Variants in MGAT4C observed in about 807,000 individuals in gnomAD.
The protein encoded by MGAT4C is MGAT4 family member C, also known as alpha-1,3-mannosyl-glycoprotein 4-beta-N-acetylglucosaminyltransferase C.
MGAT4C carries 19 observed loss-of-function variants against 40.1 expected under a neutral mutation model. The ratio of observed to expected loss-of-function variants is 0.47; its 90% CI spans 0.33 to 0.70. The LOEUF is 0.70. MGAT4C is among the 30% of genes least tolerant of loss of function. MGAT4C has a pLI of 0.02. For missense variants in MGAT4C, 491 were observed against 563.2 expected, an observed-to-expected ratio of 0.87 and a Z score of 1.30; for synonymous variants, 181 against 187.1, an observed-to-expected ratio of 0.97 and a Z score of 0.27.
At chr12:86,733,454 C>A (rs533715195) in intron 1 of MGAT4C, among the ~76,000 whole-genome samples, 2 of 151,680 alleles carry the variant, frequency 1.3e-5, no homozygotes, top group East Asian at 3.9e-4. Context: ...CAAACAAACA[C>A]AAAGTTTGGC....
Position 86,055,013 on chromosome 12 carries a change from T to C in MGAT4C, c.-56-5290A>G, listed in dbSNP as rs150565416. Reference sequence around the variant, plus strand: ...TATTAAGGACTGTGATTATTTAACATCTTTCTGATCTTTTAGAACATAAGA... The same window carrying C: ...TATTAAGGACTGTGATTATTTAACACCTTTCTGATCTTTTAGAACATAAGA... On this transcript the variant is annotated intron_variant, in intron 1 of 4. Coordinates refer to ENST00000611864, the MANE Select transcript of MGAT4C (RefSeq NM_001351288.2). 2.6e-3 allele frequency among the ~76,000 whole-genome samples: 396 copies of C among 152,154 alleles called. 2 individuals are homozygous for C. Among genetic ancestry groups the C allele is most frequent in the East Asian group, 0.011 (55 of 5,180 alleles).
intron 3 of MGAT4C, among the ~76,000 whole-genome samples, chr12:86,369,305 T>C (rs1955672654): frequency 6.6e-6 from 1 of 152,014 alleles, no homozygotes; most frequent in Admixed American, 6.5e-5. Flanking sequence ...AAATATCATA[T>C]CTTTAATTTG....
At chr12:85,986,233 C>T (rs1885184915) in intron 3 of MGAT4C, among the ~76,000 whole-genome samples, 1 of 152,180 alleles carries the variant, frequency 6.6e-6, no homozygotes, top group Non-Finnish European at 1.5e-5. Context: ...CCCTGGATAC[C>T]TTCTTTCTGT....
chr12:86,731,164 T>C (rs761907632), intron 1 of MGAT4C, among the ~76,000 whole-genome samples: 8 of 152,158 alleles, frequency 5.3e-5, no homozygotes, highest in Non-Finnish European at 1.0e-4. Context: ...TTTTCACTTG[T>C]AACTATTATA....
intron 1 of MGAT4C, among the ~76,000 whole-genome samples, chr12:86,743,115 C>CGTGTGT (rs1565960037): frequency 9.2e-6 from 1 of 109,156 alleles, no homozygotes; most frequent in African/African-American, 3.8e-5. Context: ...TGTGTGTATG[C>CGTGTGT]ATGTGTGTGT....
intron 1 of MGAT4C, among the ~76,000 whole-genome samples, chr12:86,808,179 A>G (rs1286854983): frequency 1.3e-5 from 2 of 152,146 alleles, no homozygotes; most frequent in Non-Finnish European, 2.9e-5. Context: ...ATGGATTTAC[A>G]GCTGAATTCT....
intron 2 of MGAT4C, among the ~76,000 whole-genome samples, chr12:86,666,587 C>CA (rs1041684262): frequency 1.3e-5 from 2 of 151,940 alleles, no homozygotes; most frequent in Middle Eastern, 3.2e-3. Flanking sequence ...ATGTGAGTCA[C>CA]AAAAAAATTA....
chr12:86,010,233 A>C (rs998911502), intron 2 of MGAT4C, among the ~76,000 whole-genome samples: 1 of 152,188 alleles, frequency 6.6e-6, no homozygotes, highest in South Asian at 2.1e-4. Flanking sequence ...CAGACATCAG[A>C]AGCAAAGTTA....
chr12:86,396,321 T>A (rs1041049902), intron 3 of MGAT4C, among the ~76,000 whole-genome samples: 1 of 152,110 alleles, frequency 6.6e-6, no homozygotes, highest in African/African-American at 2.4e-5. Flanking sequence ...CATTGCCCAA[T>A]GTGAGAACCT....
chr12:86,774,368 C>CTCTT (rs1555227854), intron 1 of MGAT4C, among the ~76,000 whole-genome samples: 28,798 of 87,838 alleles, frequency 0.33, 9,060 homozygotes, highest in Admixed American at 0.46. Context: ...CTCTCTCTCT[C>CTCTT]TCTTTCTGTC....
intron 1 of MGAT4C, among the ~76,000 whole-genome samples, chr12:86,091,245 A>T (rs1872826983): frequency 6.6e-6 from 1 of 152,016 alleles, no homozygotes; most frequent in Admixed American, 6.6e-5. Flanking sequence ...AATAATAACA[A>T]CTTCCTAAGA....
At chr12:86,542,033 G>A (rs1232342410) in intron 2 of MGAT4C, among the ~76,000 whole-genome samples, 1 of 152,114 alleles carries the variant, frequency 6.6e-6, no homozygotes, top group Admixed American at 6.6e-5. Context: ...TGTCTGAGAG[G>A]ACTTGTCACT....
chr12:86,641,072 A>G (rs1483643974), intron 2 of MGAT4C, among the ~76,000 whole-genome samples: 2 of 151,892 alleles, frequency 1.3e-5, no homozygotes, highest in African/African-American at 4.8e-5. Context: ...AAAAAAATGT[A>G]TGTTTATTGC....
intron 2 of MGAT4C, among the ~76,000 whole-genome samples, chr12:86,690,599 G>A (rs1448990099): frequency 6.6e-6 from 1 of 152,162 alleles, no homozygotes; most frequent in Admixed American, 6.5e-5. Context: ...TCCTGAGTGA[G>A]GCGACATCCC....
intron 1 of MGAT4C, among the ~76,000 whole-genome samples, chr12:86,761,629 G>T (rs1022528068): frequency 1.3e-5 from 2 of 152,138 alleles, no homozygotes; most frequent in Non-Finnish European, 2.9e-5. Flanking sequence ...TCAGGAGAAG[G>T]CTGGTTCCTT....
intron 2 of MGAT4C, among the ~76,000 whole-genome samples, chr12:85,998,423 T>C (rs1886894461): frequency 6.6e-6 from 1 of 152,208 alleles, no homozygotes; most frequent in African/African-American, 2.4e-5. Context: ...GCGTTTCTCT[T>C]CAGAAAATGG....
At chr12:86,642,161 C>G (rs2136522414) in intron 2 of MGAT4C, among the ~76,000 whole-genome samples, 1 of 151,828 alleles carries the variant, frequency 6.6e-6, no homozygotes, top group East Asian at 2.0e-4. Context: ...ATGCTGTGAA[C>G]AAAGACTGAG....
chr12:86,205,507 A>G (rs1370050937), intron 1 of MGAT4C, among the ~76,000 whole-genome samples: 2 of 151,684 alleles, frequency 1.3e-5, no homozygotes, highest in East Asian at 3.9e-4. Flanking sequence ...ATCTACATGT[A>G]TTTTAATCCT....
intron 2 of MGAT4C, among the ~76,000 whole-genome samples, chr12:86,483,290 G>T (rs1256009231): frequency 1.3e-5 from 2 of 152,078 alleles, no homozygotes; most frequent in Non-Finnish European, 2.9e-5. Flanking sequence ...GAATTTTAGG[G>T]AGACATAAAC....
Sources: allele counts gnomAD v4.1 joint callset (sites outside exome capture counted in the v4.1 genomes callset), GRCh38; gene constraint gnomAD v4.1.1; transcripts MANE v1.5; gene names NCBI Gene and HGNC (gene_info 2026-07-23, HGNC 2026-07-21).